Variants in SARDH observed in about 807,000 individuals in gnomAD.
SARDH encodes the protein sarcosine dehydrogenase, mitochondrial.
In SARDH, 95 loss-of-function variants were observed where a neutral mutation model predicts 109.1. That is an observed-to-expected ratio of 0.87 (90% CI 0.74 to 1.03). The LOEUF (loss-of-function observed/expected upper bound fraction) is 1.03, where lower values mean the gene tolerates loss of function less well. Ranked by LOEUF, SARDH falls within the 50% of genes least tolerant of loss-of-function variation. The probability of loss-of-function intolerance (pLI) is 0.00; values close to 1 mark genes in which losing one functional copy is unlikely to be tolerated. For synonymous variants in SARDH, 572 were observed against 534.8 expected (o/e 1.07, Z -0.96); for missense variants, 1,267 against 1,287.8 (o/e 0.98, Z 0.25).
intron 19 of SARDH, among the ~76,000 whole-genome samples, chr9:133,668,074 G>A (rs986867697): frequency 6.6e-6 from 1 of 151,086 alleles, no homozygotes; most frequent in African/African-American, 2.5e-5. Flanking sequence ...CAGACATCAG[G>A]CTGCAGGTAC....
At chr9:133,679,802 C>T (rs993871728) in intron 17 of SARDH, among the ~76,000 whole-genome samples, 7 of 152,252 alleles carry the variant, frequency 4.6e-5, no homozygotes, top group South Asian at 2.1e-4. Flanking sequence ...CTGGGAATCG[C>T]GCCCAATTCG....
chr9:133,694,190 T>G (rs1418473390), intron 15 of SARDH, 68 bp downstream of exon 15: 58 of 1,203,160 alleles, frequency 4.8e-5, no homozygotes, highest in Non-Finnish European at 5.3e-5. Flanking sequence ...CATCCTGCCC[T>G]GTCCACAACC....
In SARDH at chr9:133,694,328, G is replaced by A. The variant is rs143262474; in HGVS notation, c.1851C>T (p.Thr617=). 3.2e-5 allele frequency: 49 copies of A among 1,550,596 alleles called. No individual in the cohort carries two copies. The highest frequency in any genetic ancestry group is 1.1e-4 in the African/African-American group (8 of 73,036). ...GGCGGCTGACAGTCAGGTCACTCTC[G>A]GTGCCCCCACGGTGGTTGAGCATGC... ...YTCMLNHRGG[T]ESDLTVSRLA... is the part of the protein sequence containing the mutation. The change falls in exon 15 of 21, where the codon ACC becomes ACT. Residue 617 remains threonine (T), a synonymous_variant. Transcript: ENST00000439388.
intron 20 of SARDH, 98 bp from the exon 21 acceptor site, chr9:133,664,112 C>T: frequency 3.3e-6 from 5 of 1,501,502 alleles, no homozygotes; most frequent in Non-Finnish European, 4.5e-6. Context: ...GTCTTGCTAC[C>T]TGCCCTGTGG....
rs1471915588 is a variant in SARDH at position 133,694,317 on chromosome 9, A to G, written c.1862T>C (p.Leu621Pro). The change falls in exon 15 of 21, where the codon CTG becomes CCG. Residue 621 changes from leucine to proline, a missense_variant. Transcript: ENST00000439388. ...LNHRGGTESD[L>P]TVSRLAPSHQ... ...GCTGGGTGCCAGGCGGCTGACAGTC[A>G]GGTCACTCTCGGTGCCCCCACGGTG... 6.4e-7 allele frequency: 1 copy of G among 1,550,424 alleles called. No homozygotes were observed. The highest frequency in any genetic ancestry group is 1.4e-5 in the African/African-American group (1 of 73,070).
At chr9:133,705,703 G>A (rs1224373850) in intron 11 of SARDH, among the ~76,000 whole-genome samples, 1 of 152,142 alleles carries the variant, frequency 6.6e-6, no homozygotes, top group Non-Finnish European at 1.5e-5. Context: ...TTGGCCCTGA[G>A]AACCCCCATC....
At chr9:133,662,143 G>A (rs1268910892), downstream of SARDH, among the ~76,000 whole-genome samples, 1 of 152,098 alleles carries the variant, frequency 6.6e-6, no homozygotes, top group East Asian at 1.9e-4. The surrounding 1 kb of genome is among the most constrained non-coding windows in gnomAD (Gnocchi z 5.1). Context: ...GCACACAGGG[G>A]ACAGGGAGGG....
Position 133,690,423 on chromosome 9 carries a change from T to A in SARDH, c.2026A>T (p.Ser676Cys). ...DQKSQCQLID[S>C]SEDLGMISIQ... Reference sequence around the variant, plus strand: ...CTGATCATACCCAGGTCCTCGGAGCTGTCGATGAGCTGGCACTGGGACTTC... The same window carrying A: ...CTGATCATACCCAGGTCCTCGGAGCAGTCGATGAGCTGGCACTGGGACTTC... The change falls in exon 16 of 21, where the codon AGC becomes TGC. Residue 676 changes from serine (S) to cysteine (C), a missense_variant. Physicochemically the swap from Ser to Cys is moderately radical, Grantham distance 112. Transcript: ENST00000439388. 6.2e-7 allele frequency: 1 copy of A among 1,613,328 alleles called. No individual in the cohort carries two copies. The highest frequency in any genetic ancestry group is 1.3e-5 in the African/African-American group (1 of 75,040).
rs751765369 is a variant in SARDH, at chr9:133,671,684, C to T, written c.2177G>A (p.Arg726Gln). 8 of 1,576,418 alleles carry T rather than the reference C, an allele frequency of 5.1e-6. No individual in the cohort carries two copies. Among genetic ancestry groups the T allele is most frequent in the East Asian group, 4.7e-5 (2 of 42,808 alleles). ...GCCCAGCTCCCCCACAAAGGACAGC[C>T]GCATGGCTCGGACCTGGGGGACAAG... ...RAAGHLVRAM[R>Q]LSFVGELGWE... The change falls in exon 18 of 21, where the codon CGG becomes CAG. Residue 726 changes from arginine (R) to glutamine (Q), a missense_variant. Coordinates refer to ENST00000439388, the MANE Select transcript of SARDH (RefSeq NM_001134707.2).
chr9:133,677,636 G>A (rs1830562555), intron 17 of SARDH, among the ~76,000 whole-genome samples: 1 of 152,212 alleles, frequency 6.6e-6, no homozygotes, highest in Non-Finnish European at 1.5e-5. Context: ...ATAAAGGGTT[G>A]GGGCAGGGGT....
At chr9:133,664,942 C>T (rs544758345) in intron 20 of SARDH, among the ~76,000 whole-genome samples, 38 of 152,220 alleles carry the variant, frequency 2.5e-4, no homozygotes, top group African/African-American at 8.2e-4. Context: ...CAGATACCTA[C>T]GAGGCAGAAA....
intron 1 of SARDH, among the ~76,000 whole-genome samples, chr9:133,735,809 C>T (rs372890588): frequency 3.9e-5 from 6 of 152,218 alleles, no homozygotes; most frequent in African/African-American, 1.2e-4. Context: ...TTGGGGAGGC[C>T]GAGGCAGGCG....
chr9:133,725,286 A>C (rs1291523914), intron 6 of SARDH: 2 of 202,016 alleles, frequency 9.9e-6, no homozygotes, highest in Non-Finnish European at 2.0e-5. Context: ...CACACATAAC[A>C]GTTACAAAAG....
chr9:133,690,173 G>A (rs1237906113), intron 16 of SARDH, among the ~76,000 whole-genome samples: 1 of 152,218 alleles, frequency 6.6e-6, no homozygotes, highest in Non-Finnish European at 1.5e-5. Flanking sequence ...CTGAACAGCT[G>A]TAAATTTCAG....
In SARDH at chr9:133,713,049, A is replaced by C. The variant is rs1831987989; in HGVS notation, c.1226T>G (p.Phe409Cys). 2.5e-6 allele frequency: 4 copies of C among 1,611,884 alleles called. No homozygotes were observed. In the South Asian group the frequency reaches 4.4e-5, roughly 18 times the overall value. The stretch of plus-strand genomic sequence containing the variant: ...CTGCCCGGACTCACCTGCGCTGTTG[A>C]AGCCACAGCCCAGGAAGAACCCTCG... The part of the protein sequence containing the change: ...ELRGFFLGCG[F>C]NSAGMMLGGG... The change falls in exon 9 of 21, where the codon TTC becomes TGC. Residue 409 changes from phenylalanine (F) to cysteine (C), a missense_variant. By Grantham distance (205) the Phe-to-Cys change is radical. Transcript: ENST00000439388.
intron 1 of SARDH, among the ~76,000 whole-genome samples, chr9:133,737,255 C>T (rs1832914797): frequency 6.6e-6 from 1 of 152,196 alleles, no homozygotes; most frequent in Admixed American, 6.5e-5. Flanking sequence ...CCATCTCCTG[C>T]CCCAGTGCCC....
In SARDH at chr9:133,729,785, C is replaced by A; in HGVS notation, c.895G>T (p.Glu299Ter). ...CCTACCTGAATCCCCTCGATGCGCT[C>A]GGTGACGACATAGGCATGGTGCATG... Reference protein sequence around the residue: ...VAMHHAYVVTERIEGIQNMPN... With the variant: ...VAMHHAYVVT Residue 299 changes from glutamate (E) to a stop codon, truncating the protein, a stop_gained, in exon 6 of 21, where the codon GAG becomes TAG. Transcript: ENST00000439388. LOFTEE classifies it high-confidence loss of function. The A allele has an allele frequency of 6.2e-7, 1 of 1,612,934 alleles. No homozygotes were observed. The highest frequency in any genetic ancestry group is 8.5e-7 in the Non-Finnish European group (1 of 1,179,988).
intron 14 of SARDH, among the ~76,000 whole-genome samples, chr9:133,695,374 C>T (rs766394011): frequency 9.2e-5 from 14 of 152,178 alleles, no homozygotes; most frequent in Non-Finnish European, 1.5e-4. Flanking sequence ...ACCCAGGAGG[C>T]GGAGGTTGCA....
At chr9:133,690,344 G>T in intron 16 of SARDH, 36 bp downstream of exon 16, 1 of 1,591,670 alleles carries the variant, frequency 6.3e-7, no homozygotes. Flanking sequence ...CCAGGCAGCA[G>T]GTGCACCCAG....
Sources: gnomAD v4.1 joint callset for allele counts (sites outside exome capture counted in the v4.1 genomes callset) on GRCh38, gnomAD v4.1.1 for gene constraint, Gnocchi (gnomAD v3.1) non-coding constraint, MANE v1.5 for transcripts, NCBI Gene and HGNC (gene_info 2026-07-23, HGNC 2026-07-21) for gene names.